AGBL1: variants seen among roughly 807,000 people sequenced by gnomAD.
The protein encoded by AGBL1 is AGBL carboxypeptidase 1.
In AGBL1, 130 loss-of-function variants were observed where a neutral mutation model predicts 118.9. The ratio of observed to expected loss-of-function variants is 1.09; its 90% CI spans 0.95 to 1.26. The LOEUF (loss-of-function observed/expected upper bound fraction) is 1.26, where lower values mean the gene tolerates loss of function less well. AGBL1 is among the 50% of genes most tolerant of loss of function. The pLI is 0.00. For missense variants in AGBL1, 1,584 were observed against 1,298.1 expected (o/e 1.22, Z -3.38); for synonymous variants, 555 against 478.9 (o/e 1.16, Z -2.08).
intron 1 of AGBL1, among the ~76,000 whole-genome samples, chr15:86,099,980 C>G (rs1425922672): frequency 2.6e-5 from 4 of 151,304 alleles, no homozygotes; most frequent in Admixed American, 6.6e-5. Context: ...TGATATATGG[C>G]TTTTATTAAG....
At chr15:86,579,832 G>T (rs60110762) in intron 21 of AGBL1, among the ~76,000 whole-genome samples, 11 of 152,246 alleles carry the variant, frequency 7.2e-5, no homozygotes, top group African/African-American at 2.6e-4. Flanking sequence ...GCAATTGACC[G>T]GACTGGATAA....
At chr15:86,502,263 A>T (rs1387596456) in intron 18 of AGBL1, among the ~76,000 whole-genome samples, 1 of 151,560 alleles carries the variant, frequency 6.6e-6, no homozygotes, top group African/African-American at 2.4e-5. Flanking sequence ...GTATGTAAAT[A>T]AATTGATATT....
intron 5 of AGBL1, among the ~76,000 whole-genome samples, chr15:86,214,326 A>G (rs1597565938): frequency 6.6e-6 from 1 of 152,228 alleles, no homozygotes; most frequent in African/African-American, 2.4e-5. Context: ...TTGACTTATA[A>G]GAGTTCAACT....
chr15:86,683,775 A>G (rs1567120495), intron 22 of AGBL1, among the ~76,000 whole-genome samples: 1 of 152,212 alleles, frequency 6.6e-6, no homozygotes, highest in Admixed American at 6.5e-5. Context: ...TGTCAATTCT[A>G]AAAATGGAAG....
intron 24 of AGBL1, among the ~76,000 whole-genome samples, chr15:87,006,246 G>T (rs554527955): frequency 6.6e-6 from 1 of 152,220 alleles, no homozygotes; most frequent in Non-Finnish European, 1.5e-5. Context: ...TAAATCTGCA[G>T]AGGTTTCTGC....
At chr15:86,450,049 T>TA (rs1372794295) in intron 18 of AGBL1, among the ~76,000 whole-genome samples, 5 of 152,208 alleles carry the variant, frequency 3.3e-5, no homozygotes, top group African/African-American at 1.2e-4. Flanking sequence ...CAGCAGCTTA[T>TA]AAGTACCCCT....
intron 21 of AGBL1, among the ~76,000 whole-genome samples, chr15:86,644,410 C>T (rs1219166870): frequency 6.6e-6 from 1 of 152,118 alleles, no homozygotes; most frequent in East Asian, 1.9e-4. Context: ...TATGTGAGCA[C>T]ACACTCACAA....
In AGBL1 at chr15:86,807,809, A is replaced by T. The variant is rs1377091; in HGVS notation, c.3159-99278A>T. On this transcript the variant is annotated intron_variant, in intron 22 of 22. Transcript: ENST00000614907. Reference sequence around the variant, plus strand: ...GGGAAAACAAATCCTGACTTGTAGCACTTTTGTTATCAAATAAAAAATTGT... The same window carrying T: ...GGGAAAACAAATCCTGACTTGTAGCTCTTTTGTTATCAAATAAAAAATTGT... Among the ~76,000 whole-genome samples the T allele has an allele frequency of 6.9e-3, 1,046 of 152,250 alleles. 55 individuals are homozygous for T. The East Asian group carries it at 0.14, about 21-fold the overall frequency.
chr15:86,803,121 T>C (rs1173026986), intron 22 of AGBL1, among the ~76,000 whole-genome samples: 1 of 152,140 alleles, frequency 6.6e-6, no homozygotes, highest in Non-Finnish European at 1.5e-5. Context: ...AGGAGCATCA[T>C]GTATAGCACT....
At chr15:86,477,459 C>G (rs1366616555) in intron 18 of AGBL1, among the ~76,000 whole-genome samples, 3 of 152,116 alleles carry the variant, frequency 2.0e-5, no homozygotes, top group Non-Finnish European at 2.9e-5. Context: ...AACACCTCTA[C>G]GCAAATAAAG....
intron 18 of AGBL1, among the ~76,000 whole-genome samples, chr15:86,508,733 G>A (rs1449519656): frequency 2.0e-5 from 3 of 152,094 alleles, no homozygotes; most frequent in Non-Finnish European, 4.4e-5. Flanking sequence ...ATGATGATGA[G>A]TATTGAAGCA....
At chr15:86,228,672 G>A (rs1484236764) in intron 6 of AGBL1, among the ~76,000 whole-genome samples, 2 of 152,216 alleles carry the variant, frequency 1.3e-5, no homozygotes, top group Non-Finnish European at 2.9e-5. Flanking sequence ...GCAAGGGAAA[G>A]ATCACCTGCA....
chr15:86,274,906 C>T (rs1473118001), intron 15 of AGBL1, among the ~76,000 whole-genome samples: 1 of 152,074 alleles, frequency 6.6e-6, no homozygotes, highest in Non-Finnish European at 1.5e-5. Flanking sequence ...CCTGCCCCTC[C>T]CCTGGAGCAC....
At chr15:86,293,340 G>T (rs1045796438) in intron 16 of AGBL1, among the ~76,000 whole-genome samples, 1 of 152,168 alleles carries the variant, frequency 6.6e-6, no homozygotes, top group African/African-American at 2.4e-5. Context: ...GTTTCTTCTG[G>T]AGGCTCTGTG....
intron 18 of AGBL1, among the ~76,000 whole-genome samples, chr15:86,464,842 C>G (rs1034718053): frequency 6.6e-6 from 1 of 151,290 alleles, no homozygotes; most frequent in Non-Finnish European, 1.5e-5. Context: ...TTCAGTTTGC[C>G]AGTATTTTAT....
At chr15:86,849,441 G>A (rs564937930) in intron 22 of AGBL1, among the ~76,000 whole-genome samples, 1 of 151,860 alleles carries the variant, frequency 6.6e-6, no homozygotes, top group African/African-American at 2.4e-5. Context: ...ATTACTAGCA[G>A]CTATTGAATC....
In AGBL1 at chr15:86,915,272, C is replaced by T. The variant is rs548070202; in HGVS notation, c.*7978C>T. ...GCCTGATAGTATTAGGAAGGAAAACCGGCTTCTACTTTCGCAGTTTATAAT... is the reference window on the plus strand; with the variant it reads ...GCCTGATAGTATTAGGAAGGAAAACTGGCTTCTACTTTCGCAGTTTATAAT... On this transcript the variant is annotated 3_prime_UTR_variant, in exon 23 of 23. Transcript: ENST00000614907. 3.3e-5 allele frequency: 5 copies of T among 152,236 alleles called. No homozygotes were observed. Among genetic ancestry groups the T allele is most frequent in the Admixed American group, 1.3e-4 (2 of 15,288 alleles). The allele number at this position is 152,236 out of a possible 1,614,324, so 9.4% of individuals were successfully genotyped here.
intron 21 of AGBL1, among the ~76,000 whole-genome samples, chr15:86,666,152 C>T (rs1255144184): frequency 7.2e-5 from 11 of 152,014 alleles, no homozygotes; most frequent in Non-Finnish European, 1.0e-4. Context: ...GGAGGAGAAT[C>T]GATATTGCAT....
chr15:86,561,506 G>C (rs575836955), intron 21 of AGBL1, among the ~76,000 whole-genome samples: 13 of 152,244 alleles, frequency 8.5e-5, no homozygotes, highest in African/African-American at 2.9e-4. Context: ...CTGTTCCATT[G>C]GTCTATATAT....
Sources: allele counts gnomAD v4.1 joint callset (sites outside exome capture counted in the v4.1 genomes callset), GRCh38; gene constraint gnomAD v4.1.1; transcripts MANE v1.5; gene names NCBI Gene and HGNC (gene_info 2026-07-23, HGNC 2026-07-21).